The following IGSF10 variants were observed in gnomAD, a reference collection of about 807,000 sequenced individuals.
The protein encoded by IGSF10 is calvaria mechanical force protein 608.
Under a neutral mutation model 128.2 loss-of-function variants are expected in IGSF10, and 126 were observed. The ratio of observed to expected loss-of-function variants is 0.98; its 90% CI spans 0.85 to 1.14. The LOEUF is 1.14. Ranked by LOEUF, IGSF10 falls within the 50% of genes most tolerant of loss-of-function variation. IGSF10 has a pLI of 0.00. For synonymous variants in IGSF10, 1,185 were observed against 1,146.2 expected (o/e 1.03, Z -0.68); for missense variants, 3,295 against 3,149.8 (o/e 1.05, Z -1.10).
chr3:151,436,505 TTAAA>T lies in IGSF10; in HGVS notation c.*180_*183del, dbSNP rs1720240394. ...AGTTAAAAGTTTGTTTTGAGATCCA[TTAAA>T]TAAATCAGTATCATCAGTTCATAAT... On this transcript the variant is annotated 3_prime_UTR_variant, in exon 8 of 8. Coordinates refer to ENST00000282466, the MANE Select transcript of IGSF10 (RefSeq NM_178822.5). 3 of 482,372 alleles carry T rather than the reference TTAAA, an allele frequency of 6.2e-6. No homozygotes were observed. The highest frequency in any genetic ancestry group is 3.3e-5 in the East Asian group (1 of 30,608). 29.9% of individuals were successfully genotyped at this position (482,372 alleles called of 1,614,324 possible). A position where few individuals can be genotyped will look rare whatever the true frequency, so the allele number is the denominator to read the frequency against.
chr3:151,568,389 C>CAGA, the IGSF10 span, among the ~76,000 whole-genome samples: 1 of 152,098 alleles, frequency 6.6e-6, no homozygotes, highest in African/African-American at 2.4e-5. Flanking sequence ...TCATTTCTTT[C>CAGA]AGAATTTAAT....
the IGSF10 span, among the ~76,000 whole-genome samples, chr3:151,535,197 A>G: frequency 1.3e-5 from 2 of 152,204 alleles, no homozygotes; most frequent in Admixed American, 1.3e-4. Context: ...TTTTATTCCT[A>G]GTAGAGGTAT....
chr3:151,477,151 A>T, the IGSF10 span, among the ~76,000 whole-genome samples: 229 of 152,284 alleles, frequency 1.5e-3, 9 homozygotes, highest in East Asian at 0.038. Context: ...AATTTTTTTT[A>T]AAGCCAACAA....
In IGSF10 at chr3:151,445,230, G is replaced by A. The variant is rs1373890061; in HGVS notation, c.4751C>T (p.Ala1584Val). 3 of 1,614,204 alleles carry A rather than the reference G, an allele frequency of 1.9e-6. No individual in the cohort carries two copies. ...TACTTCTGGCTTTTTGCCTTTTTCA[G>A]CAATTTCTGAGTATGGTTTGTGCCA... ...QFWHKPYSEI[A>V]EKGKKPEVSM... The change falls in exon 6 of 8, where the codon GCT becomes GTT. Residue 1584 changes from alanine (A) to valine (V), a missense_variant. Transcript: ENST00000282466.
chr3:151,542,129 G>T, the IGSF10 span, among the ~76,000 whole-genome samples: 1 of 151,988 alleles, frequency 6.6e-6, no homozygotes. Context: ...GGTACTCCAG[G>T]TTCTGGCTAT....
At chr3:151,602,617 T>C in the IGSF10 span, among the ~76,000 whole-genome samples, 1 of 152,170 alleles carries the variant, frequency 6.6e-6, no homozygotes, top group African/African-American at 2.4e-5. Flanking sequence ...CCTCTCACCA[T>C]CTACTTTGTC....
rs1162148847 is a variant in IGSF10, at chr3:151,447,802, G to A, written c.2179C>T (p.Gln727Ter). ...KRHNYRELTL[Q>*]RRGDSTHRRF... ...CGATGTGTTGAATCTCCACGTCGCT[G>A]GAGTGTTAATTCCCGATAGTTGTGC... is the stretch of plus-strand genomic sequence containing the variant. The change falls in exon 6 of 8, where the codon CAG (glutamine) becomes TAG (stop). Residue 727 changes from glutamine (Q) to a stop codon, truncating the protein, a stop_gained. Coordinates refer to ENST00000282466, the MANE Select transcript of IGSF10 (RefSeq NM_178822.5). LOFTEE classifies it high-confidence loss of function. 5 of 1,614,040 alleles carry A rather than the reference G, an allele frequency of 3.1e-6. No homozygotes were observed. The East Asian group carries it at 1.1e-4, about 36-fold the overall frequency.
chr3:151,487,872 C>A, the IGSF10 span, among the ~76,000 whole-genome samples: 1 of 152,160 alleles, frequency 6.6e-6, no homozygotes, highest in African/African-American at 2.4e-5. Flanking sequence ...CAGCCAATAT[C>A]ATACTGAATG....
At chr3:151,534,274 T>C in the IGSF10 span, among the ~76,000 whole-genome samples, 2 of 152,174 alleles carry the variant, frequency 1.3e-5, no homozygotes, top group Non-Finnish European at 2.9e-5. Context: ...GAACTAGAAA[T>C]ACCATTTGAC....
intron 4 of IGSF10, among the ~76,000 whole-genome samples, chr3:151,456,703 C>G (rs1200512812): frequency 6.6e-6 from 1 of 152,140 alleles, no homozygotes; most frequent in Non-Finnish European, 1.5e-5. Flanking sequence ...ATAGTCATTA[C>G]TTTTAGGAAC....
In IGSF10 at chr3:151,445,529, T is replaced by C. The variant is rs1721134753; in HGVS notation, c.4452A>G (p.Arg1484=). The part of the protein sequence containing the change: ...PVPISPPFTQ[R]AVTDNVATPI... ...GAGTCGCCACGTTGTCAGTAACTGC[T>C]CTCTGAGTAAAGGGAGGGGAGATGG... The change falls in exon 6 of 8, where the codon AGA becomes AGG. Residue 1484 remains arginine (R), a synonymous_variant. Coordinates refer to ENST00000282466, the MANE Select transcript of IGSF10 (RefSeq NM_178822.5). 3 of 1,614,144 alleles carry C rather than the reference T, an allele frequency of 1.9e-6. No individual in the cohort carries two copies. Among genetic ancestry groups the C allele is most frequent in the South Asian group, 1.1e-5 (1 of 91,088 alleles).
Position 151,448,029 on chromosome 3 carries a change from G to C in IGSF10, c.1952C>G (p.Ser651Ter). Residue 651 changes from serine to a stop codon, truncating the protein, a stop_gained, in exon 6 of 8, where the codon TCA becomes TGA. Coordinates refer to ENST00000282466, the MANE Select transcript of IGSF10 (RefSeq NM_178822.5). LOFTEE classifies it high-confidence loss of function. ...GYYRCVAANP[S>*]GVDFLIFQVS... ...TTGGAAAATCAAAAAATCAACCCCT[G>C]ATGGGTTGGCTGCCACACAGCGATA... 6.2e-7 allele frequency: 1 copy of C among 1,614,136 alleles called. No homozygotes were observed. Among genetic ancestry groups the C allele is most frequent in the Non-Finnish European group, 8.5e-7 (1 of 1,180,006 alleles).
At chr3:151,503,571 G>C in the IGSF10 span, among the ~76,000 whole-genome samples, 1 of 151,878 alleles carries the variant, frequency 6.6e-6, no homozygotes, top group Non-Finnish European at 1.5e-5. Context: ...AGCATAGAGA[G>C]ACAAAAAGAT....
chr3:151,619,444 GTGT>G, the IGSF10 span, among the ~76,000 whole-genome samples: 1 of 151,136 alleles, frequency 6.6e-6, no homozygotes, highest in Non-Finnish European at 1.5e-5. Flanking sequence ...GTGTGTGTGT[GTGT>G]GTGTGTGTGT....
the IGSF10 span, among the ~76,000 whole-genome samples, chr3:151,472,556 G>T: frequency 6.6e-6 from 1 of 152,092 alleles, no homozygotes; most frequent in African/African-American, 2.4e-5. Flanking sequence ...AAAGTTAACT[G>T]AATCAATTGG....
the IGSF10 span, among the ~76,000 whole-genome samples, chr3:151,528,735 C>G: frequency 6.6e-6 from 1 of 152,042 alleles, no homozygotes; most frequent in African/African-American, 2.4e-5. Flanking sequence ...CCTATGCCAC[C>G]AGGGCCATGG....
At chr3:151,536,933 G>A in the IGSF10 span, among the ~76,000 whole-genome samples, 2 of 152,156 alleles carry the variant, frequency 1.3e-5, no homozygotes, top group Non-Finnish European at 2.9e-5. Context: ...GATGGGTATT[G>A]AAAGAACTAT....
At chr3:151,619,430 A>ATG in the IGSF10 span, among the ~76,000 whole-genome samples, 13,015 of 144,154 alleles carry the variant, frequency 0.09, 557 homozygotes, top group African/African-American at 0.11. Flanking sequence ...ATTACTTTTA[A>ATG]TGTGTGTGTG....
the IGSF10 span, among the ~76,000 whole-genome samples, chr3:151,578,364 C>A: frequency 6.6e-6 from 1 of 152,156 alleles, no homozygotes; most frequent in Non-Finnish European, 1.5e-5. Context: ...AATACAAAAG[C>A]AGCTATAGCC....
Sources: gnomAD v4.1 joint callset for allele counts (sites outside exome capture counted in the v4.1 genomes callset) on GRCh38, gnomAD v4.1.1 for gene constraint, MANE v1.5 for transcripts, NCBI Gene and HGNC (gene_info 2026-07-23, HGNC 2026-07-21) for gene names.